The following APOO variants were observed in gnomAD, a reference collection of about 807,000 sequenced individuals.
APOO encodes the protein MICOS complex subunit MIC26.
APOO carries 11 observed loss-of-function variants against 23.1 expected under a neutral mutation model. That is an observed-to-expected ratio of 0.48 (90% CI 0.30 to 0.79). APOO has a LOEUF of 0.79. APOO is among the 30% of genes least tolerant of loss of function. The pLI is 0.07. For missense variants in APOO, 160 were observed against 142.7 expected (o/e 1.12, Z -0.62); for synonymous variants, 59 against 54.8 (o/e 1.08, Z -0.34).
At chrX:23,864,328 G>C (rs912917559) in intron 5 of APOO, among the ~76,000 whole-genome samples, 6 of 107,950 alleles carry the variant, frequency 5.6e-5, no homozygotes, top group South Asian at 4.0e-4. Flanking sequence ...TTTGAGATGG[G>C]GTCTCGCTCT....
Position 23,906,904 on chromosome X carries a change from T to G in APOO, c.9+790A>C, listed in dbSNP as rs749319279. Among the ~76,000 whole-genome samples the G allele has an allele frequency of 8.9e-5, 10 of 112,291 alleles. No homozygotes were observed. The South Asian group carries it at 3.6e-3, about 41-fold the overall frequency. On this transcript the variant is annotated intron_variant, in intron 1 of 8. Coordinates refer to ENST00000379226, the MANE Select transcript of APOO (RefSeq NM_024122.5). ...ACCCAAAGCACATTGCAGAGCTCAATAAAACTTTTAAATGAATAGTACAAT... is the reference window on the plus strand; with the variant it reads ...ACCCAAAGCACATTGCAGAGCTCAAGAAAACTTTTAAATGAATAGTACAAT...
intron 5 of APOO, among the ~76,000 whole-genome samples, chrX:23,867,743 C>T (rs1442011931): frequency 2.7e-5 from 3 of 110,939 alleles, no homozygotes; most frequent in Non-Finnish European, 3.8e-5. Context: ...GGGGTTTCAC[C>T]GTGTTAGCCA....
chrX:23,858,766 T>C (rs776341148), intron 5 of APOO, 33 bp from the exon 6 acceptor site: 1 of 1,118,432 alleles, frequency 8.9e-7, no homozygotes, highest in South Asian at 1.9e-5. Flanking sequence ...CGCCATCAGA[T>C]GATTCATTAT....
chrX:23,891,813 T>C (rs918303426), intron 1 of APOO, among the ~76,000 whole-genome samples: 16 of 109,763 alleles, frequency 1.5e-4, no homozygotes. Flanking sequence ...ACCAAGTTTA[T>C]ATATATGTAT....
Position 23,879,005 on chromosome X carries a change from T to C in APOO, c.147A>G (p.Gln49=), listed in dbSNP as rs373294515. ...ELSLYSVPEG[Q]SKYVEEARSQ... is the part of the protein sequence containing the mutation. ...TCCTTGCCTCCTCCACATACTTCGA[T>C]TGACCCTCAGGAACTGAGTAGAGTG... is the stretch of plus-strand genomic sequence containing the variant. The change falls in exon 3 of 9, where the codon CAA becomes CAG. Residue 49 remains glutamine (Q), a synonymous_variant. Transcript: ENST00000379226. 3.3e-6 allele frequency: 4 copies of C among 1,210,049 alleles called. No individual in the cohort carries two copies. The highest frequency in any genetic ancestry group is 3.0e-5 in the East Asian group (1 of 33,812).
At chrX:23,879,068 G>A (rs755170027) in intron 2 of APOO, 34 bp from the exon 3 acceptor site, 1 of 1,192,724 alleles carries the variant, frequency 8.4e-7, no homozygotes. Context: ...AGATTTAAAA[G>A]ATGTACTGTC....
At chrX:23,907,584 G>T (rs1927422979) in intron 1 of APOO, 110 bp downstream of exon 1, 5 of 858,453 alleles carry the variant, frequency 5.8e-6, no homozygotes, top group Non-Finnish European at 7.8e-6. Flanking sequence ...GGCGGGAAAA[G>T]CCTCGGGGTG....
At chrX:23,885,331 A>G (rs1926321909) in intron 1 of APOO, among the ~76,000 whole-genome samples, 1 of 109,166 alleles carries the variant, frequency 9.2e-6, no homozygotes, top group Admixed American at 9.9e-5. Context: ...ACTGGGAGGC[A>G]GGGGTTGCAG....
At chrX:23,880,273 C>T (rs887736456) in intron 2 of APOO, among the ~76,000 whole-genome samples, 1 of 111,047 alleles carries the variant, frequency 9.0e-6, no homozygotes, top group Non-Finnish European at 1.9e-5. Flanking sequence ...AGTGGATTCC[C>T]CAGTAAACAT....
At chrX:23,888,849 C>CAAAAAAAAAA (rs11338273) in intron 1 of APOO, among the ~76,000 whole-genome samples, 1 of 41,286 alleles carries the variant, frequency 2.4e-5, no homozygotes, top group Non-Finnish European at 4.1e-5. Flanking sequence ...GATTTCATCT[C>CAAAAAAAAAA]AAAAAAAAAA....
chrX:23,838,681 G>A (rs1265981272), intron 8 of APOO, among the ~76,000 whole-genome samples: 1 of 110,393 alleles, frequency 9.1e-6, no homozygotes, highest in Non-Finnish European at 1.9e-5. Flanking sequence ...GCCTCCCAAA[G>A]TGCTGGGATT....
Position 23,867,445 on chromosome X carries a change from C to T in APOO, c.388+1148G>A, listed in dbSNP as rs189656126. On this transcript the variant is annotated intron_variant, in intron 5 of 8. Transcript: ENST00000379226. ...ATGTGATGCGCCTGCTCCCCCTTTG[C>T]CTTCCACCACGATTGGAAGCTTTCT... Among the ~76,000 whole-genome samples the T allele has an allele frequency of 8.1e-5, 9 of 111,777 alleles. No homozygotes were observed. The East Asian group carries it at 2.6e-3, about 32-fold the overall frequency.
At chrX:23,886,873 A>G (rs1926388640) in intron 1 of APOO, among the ~76,000 whole-genome samples, 1 of 111,534 alleles carries the variant, frequency 9.0e-6, no homozygotes, top group Non-Finnish European at 1.9e-5. Flanking sequence ...TTGAGTATTC[A>G]GGCCAACCTA....
chrX:23,907,745 G>GCCACGC lies in APOO; in HGVS notation c.-49_-44dup. 4.3e-6 allele frequency: 5 copies of GCCACGC among 1,156,854 alleles called. No individual in the cohort carries two copies. Among genetic ancestry groups the GCCACGC allele is most frequent in the Non-Finnish European group, 5.8e-6 (5 of 868,531 alleles). ...CTCCGGCAGGGTCACCCCGGCCTCGGCCACGCCCACTATAGAGAGGTGACT... is the reference window on the plus strand; with the variant it reads ...CTCCGGCAGGGTCACCCCGGCCTCGGCCACGCCCACGCCCACTATAGAGAGGTGACT... On this transcript the variant is annotated 5_prime_UTR_variant, in exon 1 of 9. Coordinates refer to ENST00000379226, the MANE Select transcript of APOO (RefSeq NM_024122.5).
chrX:23,873,338 G>A (rs1428921650), intron 4 of APOO, among the ~76,000 whole-genome samples: 1 of 111,322 alleles, frequency 9.0e-6, no homozygotes, highest in Admixed American at 9.7e-5. Context: ...GGCCAGGTAC[G>A]GTGGCTCACG....
intron 5 of APOO, among the ~76,000 whole-genome samples, chrX:23,860,749 T>C (rs1239940273): frequency 1.9e-5 from 2 of 105,635 alleles, no homozygotes; most frequent in Middle Eastern, 4.8e-3. Flanking sequence ...CTTGAACTCC[T>C]GAGCTCAAGC....
At chrX:23,904,742 G>A (rs940732040) in intron 1 of APOO, among the ~76,000 whole-genome samples, 3 of 110,390 alleles carry the variant, frequency 2.7e-5, no homozygotes, top group Non-Finnish European at 5.7e-5. Flanking sequence ...TCCTGACCTC[G>A]TGATCCGCCC....
chrX:23,857,142 C>T (rs781207153), intron 6 of APOO, among the ~76,000 whole-genome samples: 3 of 109,479 alleles, frequency 2.7e-5, no homozygotes, highest in African/African-American at 1.0e-4. Context: ...AGGTACTAGG[C>T]TTATTACCCG....
Position 23,907,922 on chromosome X carries a change from A to C in APOO, c.-220T>G. On this transcript the variant is annotated 5_prime_UTR_variant, in exon 1 of 9. Coordinates refer to ENST00000379226, the MANE Select transcript of APOO (RefSeq NM_024122.5). ...GAGCCGCAGCGCGTCGCGCCCGGGC[A>C]GCGGGTGAACGCAAACCCCGCCCTC... The C allele has an allele frequency of 2.6e-6, 1 of 384,508 alleles. No homozygotes were observed. The highest frequency in any genetic ancestry group is 4.3e-6 in the Non-Finnish European group (1 of 233,657). 31.7% of individuals were successfully genotyped at this position (384,508 alleles called of 1,213,427 possible).
Sources: gnomAD v4.1 joint callset for allele counts (sites outside exome capture counted in the v4.1 genomes callset) on GRCh38, gnomAD v4.1.1 for gene constraint, MANE v1.5 for transcripts, NCBI Gene and HGNC (gene_info 2026-07-23, HGNC 2026-07-21) for gene names.